Variants in SLC24A2 observed in about 807,000 individuals in gnomAD.
SLC24A2 encodes sodium/potassium/calcium exchanger 2.
A neutral mutation model predicts 62.0 loss-of-function variants in SLC24A2; 36 were observed. The ratio of observed to expected loss-of-function variants is 0.58; its 90% CI spans 0.44 to 0.77. The LOEUF (loss-of-function observed/expected upper bound fraction) is 0.77, where lower values mean the gene tolerates loss of function less well. Ranked by LOEUF, SLC24A2 falls within the 30% of genes least tolerant of loss-of-function variation. The probability of loss-of-function intolerance (pLI) is 0.00; values close to 1 mark genes in which losing one functional copy is unlikely to be tolerated. For synonymous variants in SLC24A2, 358 were observed against 294.0 expected (o/e 1.22, Z -2.23); for missense variants, 846 against 817.9 (o/e 1.03, Z -0.42).
chr9:19,658,846 C>A (rs1365586860), intron 2 of SLC24A2, among the ~76,000 whole-genome samples: 1 of 152,152 alleles, frequency 6.6e-6, no homozygotes, highest in Non-Finnish European at 1.5e-5. Flanking sequence ...CTCCCCAAGG[C>A]CACTGTCCAG....
chr9:19,910,648 G>A, the SLC24A2 span, among the ~76,000 whole-genome samples: 1 of 151,946 alleles, frequency 6.6e-6, no homozygotes, highest in Admixed American at 6.6e-5. Context: ...CCCTGTAACT[G>A]CCTGGAACAA....
At chr9:20,116,419 G>C in the SLC24A2 span, among the ~76,000 whole-genome samples, 1 of 152,134 alleles carries the variant, frequency 6.6e-6, no homozygotes, top group Non-Finnish European at 1.5e-5. Flanking sequence ...AGGGTGCCCA[G>C]AAAACAAGAC....
intron 2 of SLC24A2, among the ~76,000 whole-genome samples, chr9:19,698,832 T>C (rs1820272006): frequency 6.6e-6 from 1 of 152,302 alleles, no homozygotes; most frequent in East Asian, 1.9e-4. Context: ...TGTATGGGAA[T>C]TGTACCACTG....
chr9:19,564,519 T>C (rs1835569175), intron 7 of SLC24A2, among the ~76,000 whole-genome samples: 1 of 133,918 alleles, frequency 7.5e-6, no homozygotes, highest in African/African-American at 2.6e-5. Flanking sequence ...TCATCTGTTA[T>C]CTACCTACCT....
chr9:19,915,342 C>T, the SLC24A2 span, among the ~76,000 whole-genome samples: 3 of 152,056 alleles, frequency 2.0e-5, no homozygotes, highest in South Asian at 2.1e-4. Flanking sequence ...AATTGATAGA[C>T]ATTTGGGTTG....
At chr9:20,160,247 T>C in the SLC24A2 span, among the ~76,000 whole-genome samples, 1 of 151,462 alleles carries the variant, frequency 6.6e-6, no homozygotes, top group Non-Finnish European at 1.5e-5. Flanking sequence ...CATTTAACAG[T>C]TATAAATACC....
In SLC24A2 at chr9:19,565,287, G is replaced by T. The variant is rs570149597; in HGVS notation, c.1347+8064C>A. ...CAAAGTCTCAGGATACAAAATCAAT[G>T]TGCAAAAATCACAAGCATTCTTATA... is the stretch of plus-strand genomic sequence containing the variant. On this transcript the variant is annotated intron_variant, in intron 7 of 10. Transcript: ENST00000341998. Among the ~76,000 whole-genome samples, 41 of 149,454 alleles carry T rather than the reference G, an allele frequency of 2.7e-4. No homozygotes were observed. In the East Asian group the frequency reaches 8.0e-3, roughly 29 times the overall value.
chr9:20,291,616 C>T, the SLC24A2 span, among the ~76,000 whole-genome samples: 4 of 152,212 alleles, frequency 2.6e-5, no homozygotes, highest in African/African-American at 9.7e-5. Context: ...GATGACCCCC[C>T]ACCACTTGTG....
intron 8 of SLC24A2, among the ~76,000 whole-genome samples, chr9:19,529,700 TG>T (rs1158933704): frequency 6.7e-6 from 1 of 149,184 alleles, no homozygotes; most frequent in African/African-American, 2.5e-5. Flanking sequence ...TAATGGGTAA[TG>T]GGGGAAATAA....
At chr9:20,175,047 C>T in the SLC24A2 span, among the ~76,000 whole-genome samples, 2 of 150,888 alleles carry the variant, frequency 1.3e-5, no homozygotes, top group East Asian at 3.9e-4. Context: ...TGGACTACTA[C>T]TTAGCCATAA....
chr9:20,010,748 A>C, the SLC24A2 span, among the ~76,000 whole-genome samples: 1 of 137,526 alleles, frequency 7.3e-6, no homozygotes, highest in Admixed American at 7.2e-5. Flanking sequence ...TCCTAACGCT[A>C]TCCCTCCCCC....
rs765227326 is a variant in SLC24A2, at chr9:19,561,938, A to G, written c.1347+11413T>C. 4.6e-5 allele frequency among the ~76,000 whole-genome samples: 7 copies of G among 152,186 alleles called. No individual in the cohort carries two copies. In the South Asian group the frequency reaches 8.3e-4, roughly 18 times the overall value. ...TTCTTGGACAAGACTCTGAACTGAAATCAAGGTTTCAAAATATTTTGTTGT... is the reference window on the plus strand; with the variant it reads ...TTCTTGGACAAGACTCTGAACTGAAGTCAAGGTTTCAAAATATTTTGTTGT... On this transcript the variant is annotated intron_variant, in intron 7 of 10. Transcript: ENST00000341998.
the SLC24A2 span, among the ~76,000 whole-genome samples, chr9:20,000,872 A>G: frequency 3.3e-5 from 5 of 152,212 alleles, no homozygotes; most frequent in Non-Finnish European, 5.9e-5. Context: ...CAGAAAAGTT[A>G]TGTATGAGAG....
At chr9:19,636,315 T>TTTCCTTTTCTTTCCTTTCTTTC (rs1554690361) in intron 2 of SLC24A2, among the ~76,000 whole-genome samples, 5 of 40,328 alleles carry the variant, frequency 1.2e-4, no homozygotes, top group Admixed American at 2.7e-4. Flanking sequence ...TTTTCTTTTC[T>TTTCCTTTTCTTTCCTTTCTTTC]TTTCTTTCTT....
the SLC24A2 span, among the ~76,000 whole-genome samples, chr9:20,111,478 C>T: frequency 6.6e-6 from 1 of 152,130 alleles, no homozygotes; most frequent in Non-Finnish European, 1.5e-5. Flanking sequence ...TAAATAAGCC[C>T]TTTATTAATC....
At chr9:19,831,412 C>T in the SLC24A2 span, among the ~76,000 whole-genome samples, 2 of 152,160 alleles carry the variant, frequency 1.3e-5, no homozygotes, top group African/African-American at 2.4e-5. Flanking sequence ...TTTAACTATC[C>T]TTTCCACATG....
chr9:19,883,022 C>A, the SLC24A2 span, among the ~76,000 whole-genome samples: 392 of 152,224 alleles, frequency 2.6e-3, 3 homozygotes, highest in African/African-American at 9.0e-3. Flanking sequence ...TGGACGGTAG[C>A]CTTCATGCTG....
intron 2 of SLC24A2, among the ~76,000 whole-genome samples, chr9:19,776,678 A>G (rs960927517): frequency 4.6e-5 from 7 of 152,202 alleles, no homozygotes; most frequent in African/African-American, 1.4e-4. Context: ...TGCTTGGTCA[A>G]GTCAATTAAA....
rs1358950494 is a variant in SLC24A2 at position 19,572,390 on chromosome 9, C to T, written c.1347+961G>A. 2.0e-5 allele frequency among the ~76,000 whole-genome samples: 3 copies of T among 151,942 alleles called. No individual in the cohort carries two copies. In the East Asian group the frequency reaches 5.8e-4, roughly 29 times the overall value. ...CCAAATCTCATCTCAAATTGTAATCCCCATATGTTGCGGGGAGGAGCCTGG... is the reference window on the plus strand; with the variant it reads ...CCAAATCTCATCTCAAATTGTAATCTCCATATGTTGCGGGGAGGAGCCTGG... On this transcript the variant is annotated intron_variant, in intron 7 of 10. Coordinates refer to ENST00000341998, the MANE Select transcript of SLC24A2 (RefSeq NM_020344.4).
Sources: allele counts gnomAD v4.1 joint callset (sites outside exome capture counted in the v4.1 genomes callset), GRCh38; gene constraint gnomAD v4.1.1; transcripts MANE v1.5; gene names NCBI Gene and HGNC (gene_info 2026-07-23, HGNC 2026-07-21).